Variants in CAST observed in about 807,000 individuals in gnomAD.
CAST encodes MIR583 host.
CAST carries 76 observed loss-of-function variants against 119.6 expected under a neutral mutation model. That is an observed-to-expected ratio of 0.64 (90% CI 0.53 to 0.77). The LOEUF (loss-of-function observed/expected upper bound fraction) is 0.77. Ranked by LOEUF, CAST falls within the 30% of genes least tolerant of loss-of-function variation. The probability of loss-of-function intolerance (pLI) is 0.00; values close to 1 mark genes in which losing one functional copy is unlikely to be tolerated. For missense variants in CAST, 953 were observed against 946.5 expected (o/e 1.01, Z -0.09); for synonymous variants, 319 against 331.6 (o/e 0.96, Z 0.41).
chr5:96,774,143 A>T lies in CAST; in HGVS notation c.*1527A>T, dbSNP rs1403900838. ...ATGTATCTAATCCTCCCATTTGGGC[A>T]GTATAGGTGTTTGCTTTTTTGTTTT... On this transcript the variant is annotated 3_prime_UTR_variant, in exon 32 of 32. Coordinates refer to ENST00000675179, the MANE Select transcript of CAST (RefSeq NM_001750.7). 6.5e-6 allele frequency: 1 copy of T among 153,698 alleles called. No individual in the cohort carries two copies. Among genetic ancestry groups the T allele is most frequent in the East Asian group, 1.9e-4 (1 of 5,338 alleles). 9.5% of individuals were successfully genotyped at this position (153,698 alleles called of 1,614,324 possible).
At chr5:96,122,991 A>G in the CAST span, among the ~76,000 whole-genome samples, 1 of 152,146 alleles carries the variant, frequency 6.6e-6, no homozygotes, top group Non-Finnish European at 1.5e-5. Context: ...CCCAGAGCAC[A>G]AGAAATATCT....
chr5:96,034,511 G>A, the CAST span, among the ~76,000 whole-genome samples: 2,879 of 65,484 alleles, frequency 0.044, 88 homozygotes, highest in African/African-American at 0.2. Context: ...ACACACATAT[G>A]TGTGTGTGTA....
chr5:96,405,749 T>A, the CAST span, among the ~76,000 whole-genome samples: 2 of 152,210 alleles, frequency 1.3e-5, no homozygotes, highest in Non-Finnish European at 2.9e-5. Flanking sequence ...CCTTGAGGTT[T>A]TAGAAACCAA....
At chr5:96,306,825 G>T in the CAST span, among the ~76,000 whole-genome samples, 2 of 152,028 alleles carry the variant, frequency 1.3e-5, no homozygotes, top group Non-Finnish European at 2.9e-5. Flanking sequence ...TGTTTCTTAT[G>T]ATTTTGTATT....
At chr5:95,993,943 T>G in the CAST span, among the ~76,000 whole-genome samples, 1 of 152,036 alleles carries the variant, frequency 6.6e-6, no homozygotes, top group African/African-American at 2.4e-5. Flanking sequence ...TAATTTAAAT[T>G]TAAATTAATT....
At chr5:96,549,657 A>T (rs2150181799) in intron 1 of CAST, among the ~76,000 whole-genome samples, 1 of 152,280 alleles carries the variant, frequency 6.6e-6, no homozygotes, top group Admixed American at 6.5e-5. Flanking sequence ...GCCATGAGTG[A>T]CTGTACCTGG....
chr5:96,530,741 A>T (rs907545143), intron 1 of CAST, among the ~76,000 whole-genome samples: 1 of 152,146 alleles, frequency 6.6e-6, no homozygotes, highest in African/African-American at 2.4e-5. Flanking sequence ...TGATGAGCAC[A>T]TGCATTTCTC....
chr5:96,411,514 G>C, the CAST span, among the ~76,000 whole-genome samples: 2 of 152,166 alleles, frequency 1.3e-5, no homozygotes, highest in African/African-American at 4.8e-5. Context: ...ATCTTATGGA[G>C]CACAAGGCTT....
chr5:95,963,947 G>A, the CAST span, among the ~76,000 whole-genome samples: 3 of 152,040 alleles, frequency 2.0e-5, no homozygotes, highest in Non-Finnish European at 4.4e-5. Context: ...GGAGGAGTAA[G>A]GATGGTTTTC....
At chr5:96,000,781 G>A in the CAST span, among the ~76,000 whole-genome samples, 1 of 152,134 alleles carries the variant, frequency 6.6e-6, no homozygotes, top group Non-Finnish European at 1.5e-5. Flanking sequence ...GACATCATCT[G>A]TTTTGAGGTA....
the CAST span, among the ~76,000 whole-genome samples, chr5:96,145,360 CTCTA>C: frequency 6.6e-6 from 1 of 152,016 alleles, no homozygotes; most frequent in African/African-American, 2.4e-5. Context: ...CTTAACTAAA[CTCTA>C]TTGAAATTCT....
chr5:96,319,922 A>G, the CAST span, among the ~76,000 whole-genome samples: 1 of 150,488 alleles, frequency 6.6e-6, no homozygotes, highest in Non-Finnish European at 1.5e-5. Context: ...TGAGGAGCCT[A>G]GTTAGATATG....
the CAST span, among the ~76,000 whole-genome samples, chr5:96,077,163 T>C: frequency 2.8e-4 from 43 of 152,146 alleles, no homozygotes; most frequent in Middle Eastern, 3.4e-3. Flanking sequence ...GAAATGTAAA[T>C]GTATATCATA....
the CAST span, among the ~76,000 whole-genome samples, chr5:96,485,011 T>A: frequency 3.9e-5 from 6 of 152,306 alleles, no homozygotes; most frequent in Admixed American, 2.0e-4. Context: ...AGAATTAAGT[T>A]CTGAGCAGAA....
chr5:96,567,897 T>C (rs1746501476), intron 1 of CAST, among the ~76,000 whole-genome samples: 1 of 152,156 alleles, frequency 6.6e-6, no homozygotes, highest in Admixed American at 6.5e-5. Context: ...CCCCTCATGA[T>C]TTTGGCCTTT....
chr5:96,059,935 C>A, the CAST span, among the ~76,000 whole-genome samples: 37 of 152,054 alleles, frequency 2.4e-4, no homozygotes. Context: ...CAGTCCTTGT[C>A]CCTATTTCAT....
the CAST span, among the ~76,000 whole-genome samples, chr5:96,179,480 T>G: frequency 6.6e-6 from 1 of 152,244 alleles, no homozygotes; most frequent in Non-Finnish European, 1.5e-5. Context: ...TTTTGACCAC[T>G]GTGCTAATAC....
At chr5:96,587,904 A>T (rs1041273731) in intron 1 of CAST, among the ~76,000 whole-genome samples, 1 of 152,180 alleles carries the variant, frequency 6.6e-6, no homozygotes, top group African/African-American at 2.4e-5. Flanking sequence ...GGTCTTTCTT[A>T]AAAATAATTA....
At chr5:96,374,645 T>A in the CAST span, among the ~76,000 whole-genome samples, 12 of 152,296 alleles carry the variant, frequency 7.9e-5, no homozygotes, top group South Asian at 2.1e-4. Context: ...ATCTTTTGAG[T>A]CCTGTCTCAT....
Sources: gnomAD v4.1 joint callset for allele counts (sites outside exome capture counted in the v4.1 genomes callset) on GRCh38, gnomAD v4.1.1 for gene constraint, MANE v1.5 for transcripts, NCBI Gene and HGNC (gene_info 2026-07-23, HGNC 2026-07-21) for gene names.